Variants in FRY observed in about 807,000 individuals in gnomAD.
The protein encoded by FRY is protein furry homolog.
In FRY, 128 loss-of-function variants were observed where a neutral mutation model predicts 348.4. That is an observed-to-expected ratio of 0.37 (90% CI 0.32 to 0.43). The LOEUF (loss-of-function observed/expected upper bound fraction) is 0.43, where lower values mean the gene tolerates loss of function less well. Ranked by LOEUF, FRY falls within the 20% of genes least tolerant of loss-of-function variation. FRY has a pLI of 1.00. For missense variants in FRY, 2,736 were observed against 3,695.2 expected (o/e 0.74, Z 6.73); for synonymous variants, 1,370 against 1,374.7 (o/e 1.00, Z 0.08).
intron 8 of FRY, among the ~76,000 whole-genome samples, chr13:32,133,212 A>G (rs1879479906): frequency 6.6e-6 from 1 of 152,206 alleles, no homozygotes; most frequent in South Asian, 2.1e-4. Flanking sequence ...ATGTCACAAT[A>G]AAACTATTAT....
intron 1 of FRY, among the ~76,000 whole-genome samples, chr13:32,047,580 T>C (rs1873088888): frequency 8.2e-6 from 1 of 122,496 alleles, no homozygotes; most frequent in Non-Finnish European, 2.0e-5. Context: ...TTCTTTTTTT[T>C]TGGGGGGGGT....
intron 23 of FRY, among the ~76,000 whole-genome samples, chr13:32,180,251 T>G (rs1237702683): frequency 6.6e-6 from 1 of 152,086 alleles, no homozygotes. Context: ...TTTTTTTTTC[T>G]TGAGACGGAG....
In FRY at chr13:32,262,331, C is replaced by T. The variant is rs758471060; in HGVS notation, c.7635C>T (p.Pro2545=). 6.2e-7 allele frequency: 1 copy of T among 1,613,742 alleles called. No homozygotes were observed. Among genetic ancestry groups the T allele is most frequent in the South Asian group, 1.1e-5 (1 of 91,072 alleles). Residue 2545 remains proline (P), a synonymous_variant, in exon 53 of 61, where the codon CCC becomes CCT. Transcript: ENST00000542859. The part of the protein sequence containing the change: ...EHSDLIMTLS[P]SEETNPMELL... Reference sequence around the variant, plus strand: ...TTAAACAGATCATGACTCTCTCCCCCTCTGAAGAGACGAATCCCATGGAGC... The same window carrying T: ...TTAAACAGATCATGACTCTCTCCCCTTCTGAAGAGACGAATCCCATGGAGC...
At chr13:32,194,781 T>C (rs889494486) in intron 29 of FRY, among the ~76,000 whole-genome samples, 11 of 152,200 alleles carry the variant, frequency 7.2e-5, no homozygotes, top group African/African-American at 1.9e-4. Context: ...TTTAAAACCA[T>C]TGCCTTTGTT....
intron 15 of FRY, among the ~76,000 whole-genome samples, chr13:32,156,601 CAAAAAA>C (rs60522324): frequency 5.3e-5 from 6 of 112,408 alleles, no homozygotes; most frequent in Non-Finnish European, 3.7e-5. Context: ...AGCTCCATCT[CAAAAAA>C]AAAAAAAAAA....
At chr13:32,244,625 T>C (rs1234293301) in intron 47 of FRY, among the ~76,000 whole-genome samples, 1 of 152,190 alleles carries the variant, frequency 6.6e-6, no homozygotes, top group East Asian at 1.9e-4. Context: ...GAAGAGTGGT[T>C]AAGAAACTTG....
At chr13:32,071,127 G>T (rs953754373) in intron 1 of FRY, among the ~76,000 whole-genome samples, 8 of 152,148 alleles carry the variant, frequency 5.3e-5, no homozygotes, top group African/African-American at 1.7e-4. Context: ...TTGTAATATA[G>T]TTTGAAGTTA....
intron 17 of FRY, among the ~76,000 whole-genome samples, chr13:32,163,483 A>G (rs545786495): frequency 6.6e-6 from 1 of 152,348 alleles, no homozygotes; most frequent in African/African-American, 2.4e-5. Context: ...CGAGGGCTAG[A>G]TGACAAGACA....
chr13:32,207,081 C>G (rs2138344750), intron 31 of FRY, among the ~76,000 whole-genome samples: 1 of 152,256 alleles, frequency 6.6e-6, no homozygotes, highest in East Asian at 1.9e-4. Flanking sequence ...GGCATACATC[C>G]CTACCCTCTT....
At chr13:32,283,510 T>A (rs914368363) in intron 58 of FRY, among the ~76,000 whole-genome samples, 4 of 152,224 alleles carry the variant, frequency 2.6e-5, no homozygotes, top group Admixed American at 1.3e-4. Context: ...TCTTTGCATA[T>A]GCAAGAAGCG....
At chr13:32,148,066 T>C in intron 13 of FRY, 119 bp downstream of exon 13, 1 of 717,792 alleles carries the variant, frequency 1.4e-6, no homozygotes, top group Admixed American at 2.0e-5. Context: ...TTTAGACTTC[T>C]GTGAAAGATT....
chr13:32,035,408 C>G (rs561013451), intron 1 of FRY, among the ~76,000 whole-genome samples: 1 of 152,248 alleles, frequency 6.6e-6, no homozygotes, highest in Non-Finnish European at 1.5e-5. Flanking sequence ...TTTCTAGCAG[C>G]TTGGGAGTTG....
At chr13:32,090,131 G>A (rs1203132043) in intron 2 of FRY, among the ~76,000 whole-genome samples, 2 of 151,950 alleles carry the variant, frequency 1.3e-5, no homozygotes, top group South Asian at 2.1e-4. Flanking sequence ...GGTGGATCAC[G>A]AGGTCAGGAG....
Position 32,225,004 on chromosome 13 carries a change from A to G in FRY, c.4988A>G (p.His1663Arg). The part of the protein sequence containing the change: ...DHSVREDWAL[H>R]LPLLLHAVFL... ...AGTGTACGAGAAGACTGGGCGCTTC[A>G]TCTACCATTATTACTTCATGCTGTC... The change falls in exon 38 of 61, where the codon CAT (histidine) becomes CGT (arginine). Residue 1663 changes from histidine to arginine, a missense_variant. Physicochemically the swap from His to Arg is conservative, Grantham distance 29 (BLOSUM62 0). Coordinates refer to ENST00000542859, the MANE Select transcript of FRY (RefSeq NM_023037.3). 3 of 1,607,976 alleles carry G rather than the reference A, an allele frequency of 1.9e-6. No homozygotes were observed. Among genetic ancestry groups the G allele is most frequent in the Non-Finnish European group, 2.6e-6 (3 of 1,174,366 alleles).
chr13:32,227,843 C>G (rs1885669281), intron 39 of FRY, among the ~76,000 whole-genome samples: 1 of 151,718 alleles, frequency 6.6e-6, no homozygotes, highest in Non-Finnish European at 1.5e-5. Flanking sequence ...ACTCCACCCA[C>G]CGGGTTCACG....
At chr13:32,173,145 T>C (rs1882187970) in intron 18 of FRY, among the ~76,000 whole-genome samples, 1 of 152,164 alleles carries the variant, frequency 6.6e-6, no homozygotes, top group African/African-American at 2.4e-5. Context: ...AAGTAACAGA[T>C]GGTTGATGGT....
intron 1 of FRY, 22 bp downstream of exon 1, chr13:32,031,887 T>TTTTG (rs772549223): frequency 6.1e-6 from 8 of 1,317,948 alleles, no homozygotes; most frequent in Non-Finnish European, 7.7e-6. Context: ...AAAATAACCT[T>TTTTG]TTTGTTTGTT....
chr13:32,238,543 C>A (rs1886335962), intron 44 of FRY, among the ~76,000 whole-genome samples: 1 of 152,092 alleles, frequency 6.6e-6, no homozygotes. Context: ...ACCTCTCCTC[C>A]CAGGTTCAAG....
intron 24 of FRY, 21 bp from the exon 25 acceptor site, chr13:32,184,579 A>T (rs757531029): frequency 6.8e-7 from 1 of 1,480,158 alleles, no homozygotes; most frequent in Non-Finnish European, 9.5e-7. Context: ...TCTGTAAGTG[A>T]TACTACCTCT....
Sources: allele counts gnomAD v4.1 joint callset (sites outside exome capture counted in the v4.1 genomes callset), GRCh38; gene constraint gnomAD v4.1.1; transcripts MANE v1.5; gene names NCBI Gene and HGNC (gene_info 2026-07-23, HGNC 2026-07-21).